GALNTL6: variants seen among roughly 807,000 people sequenced by gnomAD.
GALNTL6 encodes the protein polypeptide N-acetylgalactosaminyltransferase-like 6.
In GALNTL6, 46 loss-of-function variants were observed where a neutral mutation model predicts 73.7. The observed-to-expected ratio is 0.62, with a 90% CI of 0.49 to 0.80. The LOEUF (loss-of-function observed/expected upper bound fraction) is 0.80. Among genes scored for constraint, GALNTL6 ranks in the 30% least tolerant of loss-of-function variants. GALNTL6 has a pLI of 0.00. For synonymous variants in GALNTL6, 259 were observed against 263.7 expected, an observed-to-expected ratio of 0.98 and a Z score of 0.17; for missense variants, 604 against 755.0, an observed-to-expected ratio of 0.80 and a Z score of 2.34.
chr4:172,961,396 T>C (rs1366900749), intron 10 of GALNTL6, among the ~76,000 whole-genome samples: 1 of 148,524 alleles, frequency 6.7e-6, no homozygotes, highest in East Asian at 2.0e-4. Context: ...TGTAGAGACA[T>C]GGAGATAAGG....
chr4:172,450,595 G>A (rs1416400618), intron 5 of GALNTL6, among the ~76,000 whole-genome samples: 1 of 152,200 alleles, frequency 6.6e-6, no homozygotes, highest in African/African-American at 2.4e-5. Flanking sequence ...ATGGCTTTCA[G>A]TTGTAATCAG....
intron 5 of GALNTL6, among the ~76,000 whole-genome samples, chr4:172,649,428 T>C (rs1740380054): frequency 6.6e-6 from 1 of 152,182 alleles, no homozygotes. Context: ...TAACCGATTA[T>C]GGTGAGGAAA....
chr4:172,613,075 C>T (rs1738590158), intron 5 of GALNTL6, among the ~76,000 whole-genome samples: 1 of 152,038 alleles, frequency 6.6e-6, no homozygotes, highest in Non-Finnish European at 1.5e-5. Context: ...TCCACATGTA[C>T]CAGGCATTGT....
At chr4:171,857,682 A>C (rs924795646) in intron 2 of GALNTL6, among the ~76,000 whole-genome samples, 10 of 152,208 alleles carry the variant, frequency 6.6e-5, no homozygotes, top group Non-Finnish European at 8.8e-5. Flanking sequence ...TTATAGAAGT[A>C]TTATGGCAAG....
At chr4:172,797,057 C>T (rs1241593707) in intron 5 of GALNTL6, among the ~76,000 whole-genome samples, 1 of 152,036 alleles carries the variant, frequency 6.6e-6, no homozygotes, top group Non-Finnish European at 1.5e-5. Flanking sequence ...CATGTAGTGT[C>T]CTCTCCCATT....
At chr4:172,940,680 TA>T (rs201232012) in intron 9 of GALNTL6, among the ~76,000 whole-genome samples, 16,863 of 151,930 alleles carry the variant, frequency 0.11, 1,020 homozygotes, top group Non-Finnish European at 0.12. Context: ...TTATTATTAT[TA>T]TTATTATTTA....
rs1185196801 is a variant in GALNTL6, at chr4:172,735,739, A to T, written c.554-73622A>T. ...TGTGAGAGGGACCCAGTGGAAGGTA[A>T]TTGAATCATGGGGGTGGGTTATCAG... is the stretch of plus-strand genomic sequence containing the variant. On this transcript the variant is annotated intron_variant, in intron 5 of 12. Transcript: ENST00000506823. Among the ~76,000 whole-genome samples the T allele has an allele frequency of 2.0e-5, 3 of 152,114 alleles. No homozygotes were observed. The East Asian group carries it at 5.8e-4, about 29-fold the overall frequency.
chr4:172,728,373 G>A (rs1001939086), intron 5 of GALNTL6, among the ~76,000 whole-genome samples: 5 of 152,006 alleles, frequency 3.3e-5, no homozygotes, highest in Non-Finnish European at 7.4e-5. Context: ...AATATGCAAT[G>A]TTTGCCTTTT....
chr4:172,644,498 G>C (rs566103600), intron 5 of GALNTL6, among the ~76,000 whole-genome samples: 1 of 151,606 alleles, frequency 6.6e-6, no homozygotes, highest in Non-Finnish European at 1.5e-5. Context: ...ATACTCTCTT[G>C]TGTCTTTGAG....
chr4:172,405,543 T>C (rs555683507), intron 5 of GALNTL6, among the ~76,000 whole-genome samples: 1 of 149,970 alleles, frequency 6.7e-6, no homozygotes, highest in Non-Finnish European at 1.5e-5. Context: ...GCTACACATA[T>C]AACCATGTTA....
At chr4:171,920,400 A>C (rs1737752503) in intron 2 of GALNTL6, among the ~76,000 whole-genome samples, 1 of 152,144 alleles carries the variant, frequency 6.6e-6, no homozygotes, top group Admixed American at 6.6e-5. Context: ...AAAGAAAAAG[A>C]AAAAGAAACA....
chr4:172,844,514 G>T (rs1199175221), intron 7 of GALNTL6, among the ~76,000 whole-genome samples: 3 of 152,180 alleles, frequency 2.0e-5, no homozygotes, highest in Non-Finnish European at 2.9e-5. Context: ...GATTTTAGTG[G>T]CATGGCAAAT....
At chr4:172,090,715 A>C (rs1732178598) in intron 2 of GALNTL6, among the ~76,000 whole-genome samples, 1 of 151,932 alleles carries the variant, frequency 6.6e-6, no homozygotes, top group Non-Finnish European at 1.5e-5. Context: ...CCCATTTGTC[A>C]ATTTTGGCTT....
intron 8 of GALNTL6, among the ~76,000 whole-genome samples, chr4:172,891,253 T>C (rs1339764156): frequency 6.6e-6 from 1 of 152,160 alleles, no homozygotes; most frequent in African/African-American, 2.4e-5. Flanking sequence ...AGTTGTTTTA[T>C]AGGGTCTATA....
intron 9 of GALNTL6, among the ~76,000 whole-genome samples, chr4:172,949,630 C>T (rs114670003): frequency 0.022 from 3,282 of 151,924 alleles, 211 homozygotes; most frequent in Admixed American, 0.14. Context: ...TTTGGCCTAG[C>T]GGGGTGCGCT....
At chr4:172,496,598 AC>A (rs1734080798) in intron 5 of GALNTL6, among the ~76,000 whole-genome samples, 1 of 152,134 alleles carries the variant, frequency 6.6e-6, no homozygotes, top group Non-Finnish European at 1.5e-5. Flanking sequence ...TGGGGGGATC[AC>A]TTGAACCCAG....
In GALNTL6 at chr4:171,977,636, T is replaced by C. The variant is rs867661911; in HGVS notation, c.138+162918T>C. ...GCCTATCTGTAATTACAGTCACATC[T>C]GATGTACTGGGGATTAGGATTTCAA... On this transcript the variant is annotated intron_variant, in intron 2 of 12. Transcript: ENST00000506823. 2.6e-4 allele frequency among the ~76,000 whole-genome samples: 40 copies of C among 152,280 alleles called. 1 individual carries two copies. The highest frequency in any genetic ancestry group is 3.4e-3 in the Middle Eastern group (1 of 294).
intron 2 of GALNTL6, among the ~76,000 whole-genome samples, chr4:171,902,176 T>A (rs142297564): frequency 2.0e-5 from 3 of 152,160 alleles, no homozygotes; most frequent in African/African-American, 7.2e-5. Context: ...AAGAATCTAA[T>A]TGAAGCCTTA....
chr4:172,048,712 C>T (rs1307588305), intron 2 of GALNTL6, among the ~76,000 whole-genome samples: 1 of 151,968 alleles, frequency 6.6e-6, no homozygotes. Context: ...TAAAATTTCC[C>T]ACTGAAAAGT....
Sources: allele counts gnomAD v4.1 joint callset (sites outside exome capture counted in the v4.1 genomes callset), GRCh38; gene constraint gnomAD v4.1.1; transcripts MANE v1.5; gene names NCBI Gene and HGNC (gene_info 2026-07-23, HGNC 2026-07-21).